MRPS18B: variants seen among roughly 807,000 people sequenced by gnomAD.
MRPS18B encodes mitochondrial ribosomal protein S18B, also known as small ribosomal subunit protein mS40.
A neutral mutation model predicts 28.4 loss-of-function variants in MRPS18B; 27 were observed. That is an observed-to-expected ratio of 0.95 (90% CI 0.70 to 1.31). MRPS18B has a LOEUF of 1.31. MRPS18B is among the 40% of genes most tolerant of loss of function. MRPS18B has a pLI of 0.00. For synonymous variants in MRPS18B, 118 were observed against 123.7 expected (o/e 0.95, Z 0.30); for missense variants, 343 against 335.9 (o/e 1.02, Z -0.17).
At chr6:30,620,074 T>C (rs1256522700) in intron 4 of MRPS18B, 85 bp downstream of exon 4, 1 of 1,325,938 alleles carries the variant, frequency 7.5e-7, no homozygotes, top group African/African-American at 1.5e-5. Context: ...TCCCAGCACT[T>C]TGGGAGGCCA....
chr6:30,625,178 A>G (rs971344173), intron 6 of MRPS18B, among the ~76,000 whole-genome samples: 2 of 152,076 alleles, frequency 1.3e-5, no homozygotes, highest in Non-Finnish European at 2.9e-5. Flanking sequence ...GCTGGTCTCA[A>G]TGCCTTAGGA....
chr6:30,625,911 G>A lies in MRPS18B; in HGVS notation c.*114G>A. 8.4e-7 allele frequency: 1 copy of A among 1,187,540 alleles called. No individual in the cohort carries two copies. The highest frequency in any genetic ancestry group is 2.5e-5 in the East Asian group (1 of 40,610). 73.6% of individuals were successfully genotyped at this position (1,187,540 alleles called of 1,614,324 possible). On this transcript the variant is annotated 3_prime_UTR_variant, in exon 7 of 7. Coordinates refer to ENST00000259873, the MANE Select transcript of MRPS18B (RefSeq NM_014046.4). Reference sequence around the variant, plus strand: ...ATCCCAGGAGTTTGAGACCAGCCTGGGCACCATGGTGAAACCTCGTCTTTA... The same window carrying A: ...ATCCCAGGAGTTTGAGACCAGCCTGAGCACCATGGTGAAACCTCGTCTTTA...
At position 30,625,987 on chromosome 6, in the gene MRPS18B, A is replaced by C. The variant is rs1440032697; in HGVS notation, c.*190A>C. ...TGTGGTGGTGCACACCTGTAGTCTC[A>C]ACTATTGGGGAGGCTAAGGTAGGAT... On this transcript the variant is annotated 3_prime_UTR_variant, in exon 7 of 7. Transcript: ENST00000259873. The C allele has an allele frequency of 1.7e-6, 1 of 600,100 alleles. No individual in the cohort carries two copies. The highest frequency in any genetic ancestry group is 2.8e-6 in the Non-Finnish European group (1 of 350,980). The allele number at this position is 600,100 out of a possible 1,614,324, so 37.2% of individuals were successfully genotyped here.
rs1207298974 is a variant in MRPS18B, at chr6:30,617,986, T to C, written c.78+43T>C. 5 of 1,604,356 alleles carry C rather than the reference T, an allele frequency of 3.1e-6. No homozygotes were observed. The African/African-American group carries it at 4.0e-5, about 13-fold the overall frequency. ...ATTTTGCACAACCTCAAGTTGGTTA[T>C]ACCTTCTCGAGGTTGTCGCTCCACT... On this transcript the variant is annotated intron_variant, in intron 1 of 6. Transcript: ENST00000259873.
intron 5 of MRPS18B, 68 bp downstream of exon 5, chr6:30,622,966 C>A: frequency 1.3e-6 from 2 of 1,508,876 alleles, no homozygotes; most frequent in Non-Finnish European, 1.8e-6. Flanking sequence ...TGTAGTTGGC[C>A]AATAGGTATT....
rs1761608134 is a variant in MRPS18B at position 30,626,339 on chromosome 6, T to G, written c.*542T>G. ...GGGCTGGGCTAAACATTGTTGCCGT[T>G]TCATACTTCTACCAACTCAGCTTTT... On this transcript the variant is annotated 3_prime_UTR_variant, in exon 7 of 7. Transcript: ENST00000259873. The G allele has an allele frequency of 6.0e-6, 1 of 166,228 alleles. No individual in the cohort carries two copies. The highest frequency in any genetic ancestry group is 2.4e-5 in the African/African-American group (1 of 41,738). The allele number at this position is 166,228 out of a possible 1,614,324, so 10.3% of individuals were successfully genotyped here.
chr6:30,617,912 T>G lies in MRPS18B; in HGVS notation c.47T>G (p.Leu16Arg), dbSNP rs1461206172. Residue 16 changes from leucine to arginine, a missense_variant, in exon 1 of 7, where the codon CTA becomes CGA. Physicochemically the swap from Leu to Arg is moderately radical, Grantham distance 102. Coordinates refer to ENST00000259873, the MANE Select transcript of MRPS18B (RefSeq NM_014046.4). ...ACCGTGCTGAGGCGGCTTCCTATGC[T>G]ATCTCTCTTCCGAGGTTCTCACAGA... The part of the protein sequence containing the change: ...LNTVLRRLPM[L>R]SLFRGSHRVQ... 5 of 1,614,194 alleles carry G rather than the reference T, an allele frequency of 3.1e-6. No individual in the cohort carries two copies. The highest frequency in any genetic ancestry group is 3.4e-6 in the Non-Finnish European group (4 of 1,180,032).
Position 30,626,114 on chromosome 6 carries a change from C to T in MRPS18B, c.*317C>T, listed in dbSNP as rs543517359. 3.9e-4 allele frequency: 127 copies of T among 325,782 alleles called. No homozygotes were observed. The highest frequency in any genetic ancestry group is 2.6e-3 in the African/African-American group (118 of 46,250). 20.2% of individuals were successfully genotyped at this position (325,782 alleles called of 1,614,324 possible). A position where few individuals can be genotyped will look rare whatever the true frequency, so the allele number is the denominator to read the frequency against. On this transcript the variant is annotated 3_prime_UTR_variant, in exon 7 of 7. Coordinates refer to ENST00000259873, the MANE Select transcript of MRPS18B (RefSeq NM_014046.4). ...CCTGTCTCAAAAAAAAAAAAAAAGA[C>T]TGGGAAGAGAGCTAGAGGGACTAGG...
intron 4 of MRPS18B, among the ~76,000 whole-genome samples, chr6:30,622,051 G>A (rs776095780): frequency 5.9e-5 from 9 of 152,100 alleles, no homozygotes; most frequent in Non-Finnish European, 1.2e-4. Context: ...ACTCTACAAT[G>A]TACCTGCTTT....
At chr6:30,620,412 A>G (rs1324847148) in intron 4 of MRPS18B, among the ~76,000 whole-genome samples, 1 of 152,308 alleles carries the variant, frequency 6.6e-6, no homozygotes, top group Non-Finnish European at 1.5e-5. Flanking sequence ...GGTGCCCCAC[A>G]CTTCGTATAT....
At chr6:30,619,401 T>C in intron 1 of MRPS18B, 92 bp from the exon 2 acceptor site, 1 of 962,114 alleles carries the variant, frequency 1.0e-6, no homozygotes, top group East Asian at 2.4e-5. Context: ...TAATGCAGTA[T>C]GTGTGCATTC....
intron 4 of MRPS18B, among the ~76,000 whole-genome samples, chr6:30,620,437 A>G (rs988868696): frequency 3.3e-5 from 5 of 152,224 alleles, no homozygotes; most frequent in East Asian, 1.9e-4. Flanking sequence ...GAGGCCCTAC[A>G]GTCCGTTTTA....
intron 4 of MRPS18B, among the ~76,000 whole-genome samples, chr6:30,621,753 G>A (rs1055182543): frequency 6.6e-5 from 10 of 152,170 alleles, no homozygotes; most frequent in Admixed American, 5.2e-4. Context: ...AGACCAGCCT[G>A]GCCAACAAGG....
intron 4 of MRPS18B, among the ~76,000 whole-genome samples, chr6:30,622,103 A>C (rs1761192851): frequency 6.6e-6 from 1 of 152,024 alleles, no homozygotes; most frequent in Non-Finnish European, 1.5e-5. Context: ...GCTGAGAGAG[A>C]GTTCTATGTA....
chr6:30,620,088 C>T, intron 4 of MRPS18B, 99 bp downstream of exon 4: 1 of 1,119,770 alleles, frequency 8.9e-7, no homozygotes, highest in Non-Finnish European at 1.3e-6. Context: ...GAGGCCAAGG[C>T]AGGTGGATCA....
chr6:30,623,042 G>A (rs1205530796), intron 5 of MRPS18B, 144 bp downstream of exon 5: 3 of 781,880 alleles, frequency 3.8e-6, no homozygotes, highest in Non-Finnish European at 6.2e-6. Context: ...TTGGCTTGCT[G>A]GGGGCTAAAG....
In MRPS18B at chr6:30,617,870, C is replaced by T. The variant is rs375661910; in HGVS notation, c.5C>T (p.Ala2Val). The change falls in exon 1 of 7, where the codon GCG becomes GTG. Residue 2 changes from alanine (A) to valine (V), a missense_variant. Transcript: ENST00000259873. ...CTGTCCTGGGCGTACGTCAAGATGG[C>T]GGCGTCTGTATTAAACACCGTGCTG... The part of the protein sequence containing the change: M[A>V]ASVLNTVLRR... 1.1e-5 allele frequency: 18 copies of T among 1,614,146 alleles called. No individual in the cohort carries two copies. The highest frequency in any genetic ancestry group is 1.7e-5 in the Admixed American group (1 of 60,012).
Position 30,625,009 on chromosome 6 carries a change from A to G in MRPS18B, c.481+67A>G, listed in dbSNP as rs117100132. 2.4e-4 allele frequency: 366 copies of G among 1,547,918 alleles called. 4 individuals carry two copies. The East Asian group carries it at 8.2e-3, about 35-fold the overall frequency. The stretch of plus-strand genomic sequence containing the variant: ...AAGGAAGATGACTTAGGGCTAGAAA[A>G]TGGATATAAATGCTCACACCTGTTC... On this transcript the variant is annotated intron_variant, in intron 6 of 6. Coordinates refer to ENST00000259873, the MANE Select transcript of MRPS18B (RefSeq NM_014046.4).
intron 5 of MRPS18B, among the ~76,000 whole-genome samples, chr6:30,624,306 G>A (rs1284651353): frequency 6.6e-6 from 1 of 151,700 alleles, no homozygotes; most frequent in African/African-American, 2.4e-5. Flanking sequence ...ATTTTGGCCA[G>A]TCTGGTCTTG....
Sources: gnomAD v4.1 joint callset for allele counts (sites outside exome capture counted in the v4.1 genomes callset) on GRCh38, gnomAD v4.1.1 for gene constraint, MANE v1.5 for transcripts, NCBI Gene and HGNC (gene_info 2026-07-23, HGNC 2026-07-21) for gene names.